RALGAPB: variants seen among roughly 807,000 people sequenced by gnomAD.
RALGAPB encodes Ral GTPase activating protein non-catalytic subunit beta.
In RALGAPB, 25 loss-of-function variants were observed where a neutral mutation model predicts 161.1. The observed-to-expected ratio is 0.16, with a 90% confidence interval of 0.11 to 0.22. The LOEUF is 0.22. RALGAPB is among the 10% of genes least tolerant of loss of function. The pLI is 1.00. For synonymous variants in RALGAPB, 629 were observed against 626.1 expected (o/e 1.00, Z -0.07); for missense variants, 1,391 against 1,815.2 (o/e 0.77, Z 4.25).
chr20:38,474,393 A>G (rs1351817836), intron 1 of RALGAPB, among the ~76,000 whole-genome samples: 1 of 152,010 alleles, frequency 6.6e-6, no homozygotes, highest in Non-Finnish European at 1.5e-5. Context: ...GAGCTCAAGC[A>G]GTCCTCCCAC....
At position 38,517,673 on chromosome 20, in the gene RALGAPB, A is replaced by G. The variant is rs771093939; in HGVS notation, c.1200+19A>G. ...AAGCACAGTAAGAGTTTACATCACCATTGTTATGCTATATAAGGTTGGCTT... is the reference window on the plus strand; with the variant it reads ...AAGCACAGTAAGAGTTTACATCACCGTTGTTATGCTATATAAGGTTGGCTT... On this transcript the variant is annotated intron_variant, in intron 8 of 29. Coordinates refer to ENST00000262879, the MANE Select transcript of RALGAPB (RefSeq NM_020336.4). The G allele has an allele frequency of 1.9e-6, 3 of 1,612,342 alleles. No individual in the cohort carries two copies. The Admixed American group carries it at 5.0e-5, about 27-fold the overall frequency.
intron 24 of RALGAPB, among the ~76,000 whole-genome samples, chr20:38,564,387 G>GT (rs978534820): frequency 6.6e-6 from 1 of 152,160 alleles, no homozygotes; most frequent in Non-Finnish European, 1.5e-5. Context: ...TACAGAAAAA[G>GT]TTTGCTAACC....
At chr20:38,484,499 G>C (rs911543579) in intron 1 of RALGAPB, among the ~76,000 whole-genome samples, 1 of 152,074 alleles carries the variant, frequency 6.6e-6, no homozygotes, top group African/African-American at 2.4e-5. Context: ...GGCATAAATT[G>C]GACCATAGAT....
At chr20:38,501,487 A>G (rs1272630964) in intron 5 of RALGAPB, among the ~76,000 whole-genome samples, 1 of 152,110 alleles carries the variant, frequency 6.6e-6, no homozygotes, top group African/African-American at 2.4e-5. Flanking sequence ...CCTGTAGAAC[A>G]CACCTCCCAG....
intron 28 of RALGAPB, among the ~76,000 whole-genome samples, chr20:38,572,023 G>A (rs116787634): frequency 1.3e-5 from 2 of 151,956 alleles, no homozygotes; most frequent in African/African-American, 4.8e-5. Flanking sequence ...TTTATCTAGA[G>A]CAAAAAGAAA....
chr20:38,551,100 T>C lies in RALGAPB; in HGVS notation c.3039T>C (p.Pro1013=). ...KLFVPEPRPV[P]KNDVGFKYSV... ...TTGTACCTGAACCTCGCCCAGTTCCTAAAAATGACGTTGGATTTAAATATT... is the reference window on the plus strand; with the variant it reads ...TTGTACCTGAACCTCGCCCAGTTCCCAAAAATGACGTTGGATTTAAATATT... Residue 1013 remains proline, a synonymous_variant, in exon 21 of 30, where the codon CCT becomes CCC. Transcript: ENST00000262879. 2 of 1,613,962 alleles carry C rather than the reference T, an allele frequency of 1.2e-6. No homozygotes were observed. The highest frequency in any genetic ancestry group is 1.7e-6 in the Non-Finnish European group (2 of 1,179,870).
At chr20:38,507,074 T>A (rs2085784071) in intron 5 of RALGAPB, among the ~76,000 whole-genome samples, 1 of 152,200 alleles carries the variant, frequency 6.6e-6, no homozygotes, top group Non-Finnish European at 1.5e-5. Flanking sequence ...ATAATCACAG[T>A]ACATGCTTAT....
intron 6 of RALGAPB, among the ~76,000 whole-genome samples, chr20:38,509,983 T>C (rs1457800941): frequency 6.6e-6 from 1 of 152,220 alleles, no homozygotes; most frequent in Admixed American, 6.5e-5. Flanking sequence ...TTTTTAAATG[T>C]CTTTCTGTGA....
chr20:38,492,504 A>G (rs1470537828), intron 2 of RALGAPB, among the ~76,000 whole-genome samples: 1 of 152,130 alleles, frequency 6.6e-6, no homozygotes, highest in African/African-American at 2.4e-5. Context: ...GTGCATTTGC[A>G]TAATCTGGAG....
chr20:38,488,289 G>T, intron 1 of RALGAPB, 114 bp from the exon 2 acceptor site: 1 of 637,966 alleles, frequency 1.6e-6, no homozygotes, highest in Non-Finnish European at 2.6e-6. Context: ...CATTGATAGA[G>T]GCAAGATGTT....
At chr20:38,526,428 C>G (rs1485942436) in intron 13 of RALGAPB, among the ~76,000 whole-genome samples, 2 of 151,978 alleles carry the variant, frequency 1.3e-5, no homozygotes, top group African/African-American at 4.8e-5. Context: ...TTGCCTCTTC[C>G]TCTTACTCCT....
chr20:38,495,125 T>G (rs2085387608), intron 3 of RALGAPB, among the ~76,000 whole-genome samples: 1 of 152,248 alleles, frequency 6.6e-6, no homozygotes, highest in Admixed American at 6.5e-5. Flanking sequence ...CTCCCATTAT[T>G]TGAAGTTTTA....
At chr20:38,484,046 G>T (rs2085049109) in intron 1 of RALGAPB, among the ~76,000 whole-genome samples, 1 of 152,054 alleles carries the variant, frequency 6.6e-6, no homozygotes, top group South Asian at 2.1e-4. Flanking sequence ...AGGTGTGGTG[G>T]TGGGCGCCTG....
In RALGAPB at chr20:38,541,196, T is replaced by C. The variant is rs1327745730; in HGVS notation, c.2714+4T>C. ...CTGCTGAAGCCACCCTAACATGGTATGGAAGTGACCGCACAGGGATTGTGC... is the reference window on the plus strand; with the variant it reads ...CTGCTGAAGCCACCCTAACATGGTACGGAAGTGACCGCACAGGGATTGTGC... On this transcript the variant is annotated splice_donor_region_variant and intron_variant, in intron 18 of 29. Coordinates refer to ENST00000262879, the MANE Select transcript of RALGAPB (RefSeq NM_020336.4). 5 of 1,613,572 alleles carry C rather than the reference T, an allele frequency of 3.1e-6. No individual in the cohort carries two copies. Among genetic ancestry groups the C allele is most frequent in the Non-Finnish European group, 3.4e-6 (4 of 1,179,720 alleles).
intron 23 of RALGAPB, among the ~76,000 whole-genome samples, chr20:38,561,482 G>C (rs2087784821): frequency 6.6e-6 from 1 of 152,220 alleles, no homozygotes; most frequent in African/African-American, 2.4e-5. Flanking sequence ...AATGACATCA[G>C]TGATTTGTGG....
At chr20:38,556,285 C>T (rs1298891140) in intron 22 of RALGAPB, among the ~76,000 whole-genome samples, 1 of 151,938 alleles carries the variant, frequency 6.6e-6, no homozygotes, top group Admixed American at 6.6e-5. Context: ...TATAGATTAG[C>T]AGGAAATTGC....
Position 38,535,216 on chromosome 20 carries a change from G to C in RALGAPB, c.2379+9G>C, listed in dbSNP as rs367928198. On this transcript the variant is annotated intron_variant, in intron 16 of 29. Coordinates refer to ENST00000262879, the MANE Select transcript of RALGAPB (RefSeq NM_020336.4). ...TCTCTGGCCTTGCAAAGGTGAGGAA[G>C]ACAGTCCTTTTATTTTAACCCAACA... is the stretch of plus-strand genomic sequence containing the variant. 31 of 1,613,872 alleles carry C rather than the reference G, an allele frequency of 1.9e-5. No homozygotes were observed. The highest frequency in any genetic ancestry group is 4.0e-5 in the African/African-American group (3 of 74,934).
chr20:38,525,649 C>A, intron 12 of RALGAPB, 131 bp downstream of exon 12: 2 of 857,586 alleles, frequency 2.3e-6, no homozygotes, highest in Non-Finnish European at 3.6e-6. Flanking sequence ...CAAGTTATTT[C>A]AAGTGAATTA....
At chr20:38,564,825 ACT>A (rs1434982029) in intron 24 of RALGAPB, among the ~76,000 whole-genome samples, 2 of 151,448 alleles carry the variant, frequency 1.3e-5, no homozygotes, top group Admixed American at 6.6e-5. Flanking sequence ...GCACATGTGC[ACT>A]CTCTCTCTTC....
Sources: allele counts gnomAD v4.1 joint callset (sites outside exome capture counted in the v4.1 genomes callset), GRCh38; gene constraint gnomAD v4.1.1; transcripts MANE v1.5; gene names NCBI Gene and HGNC (gene_info 2026-07-23, HGNC 2026-07-21).